ZNF296: variants seen among roughly 807,000 people sequenced by gnomAD.
The protein encoded by ZNF296 is zinc finger protein 296.
In ZNF296, 1 loss-of-function variant was observed where a neutral mutation model predicts 13.2. The ratio of observed to expected loss-of-function variants is 0.08; its 90% CI spans 0.03 to 0.36. The LOEUF (loss-of-function observed/expected upper bound fraction) is 0.36, where lower values mean the gene tolerates loss of function less well. Among genes scored for constraint, ZNF296 ranks in the 10% least tolerant of loss-of-function variants. The probability of loss-of-function intolerance (pLI) is 0.99; values close to 1 mark genes in which losing one functional copy is unlikely to be tolerated. For missense variants in ZNF296, 555 were observed against 688.2 expected (o/e 0.81, Z 2.16); for synonymous variants, 303 against 289.0 (o/e 1.05, Z -0.49).
Position 45,076,466 on chromosome 19 carries a change from C to G in ZNF296, c.-93G>C, listed in dbSNP as rs1049133904. 1.0e-6 allele frequency: 1 copy of G among 983,566 alleles called. No individual in the cohort carries two copies. Among genetic ancestry groups the G allele is most frequent in the African/African-American group, 1.7e-5 (1 of 58,794 alleles). 60.9% of individuals were successfully genotyped at this position (983,566 alleles called of 1,614,324 possible). On this transcript the variant is annotated 5_prime_UTR_variant, in exon 1 of 3. Transcript: ENST00000303809. This position sits in a 1 kb window ranked among gnomAD's most constrained non-coding sequence, Gnocchi z 4.9. Reference sequence around the variant, plus strand: ...GGAGGACGCGCGGACCGTGCGCGCTCAGGTGAGTGACTGCGGCGACCCGCC... The same window carrying G: ...GGAGGACGCGCGGACCGTGCGCGCTGAGGTGAGTGACTGCGGCGACCCGCC...
chr19:45,073,638 C>T (rs1209776815), intron 2 of ZNF296, among the ~76,000 whole-genome samples: 3 of 143,170 alleles, frequency 2.1e-5, no homozygotes, highest in Admixed American at 1.5e-4. Context: ...ACTTAATGGC[C>T]TCAAGTAATC....
intron 2 of ZNF296, among the ~76,000 whole-genome samples, chr19:45,073,373 ATT>A (rs113101222): frequency 3.9e-5 from 5 of 129,698 alleles, no homozygotes; most frequent in Admixed American, 7.6e-5. Context: ...TGCCCAGGCT[ATT>A]TTTTTTTTTT....
At chr19:45,073,383 T>C (rs1433527712) in intron 2 of ZNF296, among the ~76,000 whole-genome samples, 5 of 148,694 alleles carry the variant, frequency 3.4e-5, no homozygotes, top group Non-Finnish European at 5.9e-5. Context: ...ATTTTTTTTT[T>C]TTTTTGAGAC....
intron 1 of ZNF296, 102 bp downstream of exon 1, chr19:45,075,974 G>A: frequency 6.3e-7 from 1 of 1,580,450 alleles, no homozygotes; most frequent in Non-Finnish European, 8.6e-7. Context: ...GCAGGACGGG[G>A]CGAAGGAGAT....
In ZNF296 at chr19:45,076,096, G is replaced by A; in HGVS notation, c.278C>T (p.Pro93Leu). Residue 93 changes from proline (P) to leucine (L), a missense_variant, in exon 1 of 3, where the codon CCG becomes CTG. By Grantham distance (98) the Pro-to-Leu change is moderately conservative (BLOSUM62 -3). Around this residue, in one of 3 missense-constraint regions of ZNF296, gnomAD observed 410 missense variants for 548.0 expected, o/e 0.75. Transcript: ENST00000303809. The surrounding 1 kb of genome is among the most constrained non-coding windows in gnomAD (Gnocchi z 4.9). ...CTCACCGGGATAGTTCGGGGTCAAC[G>A]GCGTCCACAGGGTCCACGGGTTCCG... The part of the protein sequence containing the change: ...GPRNPWTLWT[P>L]LTPNYPDRQP... 1 of 1,581,918 alleles carries A rather than the reference G, an allele frequency of 6.3e-7. No individual in the cohort carries two copies. The highest frequency in any genetic ancestry group is 8.6e-7 in the Non-Finnish European group (1 of 1,169,432).
chr19:45,073,081 G>A (rs1340318837), intron 2 of ZNF296, among the ~76,000 whole-genome samples: 1 of 152,154 alleles, frequency 6.6e-6, no homozygotes, highest in Non-Finnish European at 1.5e-5. Context: ...AAAAAGTTAT[G>A]TTAACTCAGT....
rs200474601 is a variant in ZNF296 at position 45,076,154 on chromosome 19, G to A, written c.220C>T (p.Pro74Ser). The A allele has an allele frequency of 7.1e-6, 11 of 1,545,870 alleles. No individual in the cohort carries two copies. The African/African-American group carries it at 1.4e-4, about 20-fold the overall frequency. ...AGGGCGAGGAGGGCGGCCCCGGCGGGCATGGGGCCAGGGGAGTGGTGGGGT... is the reference window on the plus strand; with the variant it reads ...AGGGCGAGGAGGGCGGCCCCGGCGGACATGGGGCCAGGGGAGTGGTGGGGT... The part of the protein sequence containing the change: ...GEPHHSPGPM[P>S]AGAALLALGP... The change falls in exon 1 of 3, where the codon CCC becomes TCC. Residue 74 changes from proline (P) to serine (S), a missense_variant. By Grantham distance (74) the Pro-to-Ser change is moderately conservative. Around this residue, in one of 3 missense-constraint regions of ZNF296, gnomAD observed 137 missense variants for 121.9 expected, o/e 1.12. Transcript: ENST00000303809. This position sits in a 1 kb window ranked among gnomAD's most constrained non-coding sequence, Gnocchi z 4.9.
rs746750726 is a variant in ZNF296, at chr19:45,071,725, A to G, written c.1304T>C (p.Met435Thr). 6.8e-6 allele frequency: 11 copies of G among 1,605,856 alleles called. No homozygotes were observed. Among genetic ancestry groups the G allele is most frequent in the Non-Finnish European group, 9.4e-6 (11 of 1,175,152 alleles). ...QSSKLNRHRR[M>T]HGMTPGSTRF... ...GGTGCTGCCAGGCGTCATGCCGTGC[A>G]TGCGGCGGTGGCGGTTGAGCTTACT... The change falls in exon 3 of 3, where the codon ATG (methionine) becomes ACG (threonine). Residue 435 changes from methionine (M) to threonine (T), a missense_variant. Physicochemically the swap from Met to Thr is moderately conservative, Grantham distance 81. Coordinates refer to ENST00000303809, the MANE Select transcript of ZNF296 (RefSeq NM_145288.3).
intron 2 of ZNF296, among the ~76,000 whole-genome samples, chr19:45,074,960 C>T (rs974300998): frequency 3.7e-4 from 56 of 152,224 alleles, no homozygotes; most frequent in Non-Finnish European, 8.8e-5. Flanking sequence ...CAGACCCTCC[C>T]TGGCCCAACC....
chr19:45,074,850 G>A (rs1436989142), intron 2 of ZNF296, among the ~76,000 whole-genome samples: 1 of 152,062 alleles, frequency 6.6e-6, no homozygotes, highest in Non-Finnish European at 1.5e-5. Flanking sequence ...TTGTTCCAGC[G>A]ATTCCATCAC....
In ZNF296 at chr19:45,072,299, T is replaced by C. The variant is rs762760641; in HGVS notation, c.730A>G (p.Ser244Gly). 1.2e-6 allele frequency: 2 copies of C among 1,613,478 alleles called. No homozygotes were observed. Among genetic ancestry groups the C allele is most frequent in the East Asian group, 2.2e-5 (1 of 44,872 alleles). Residue 244 changes from serine to glycine, a missense_variant, in exon 3 of 3, where the codon AGC (serine) becomes GGC (glycine). Physicochemically the swap from Ser to Gly is moderately conservative, Grantham distance 56. This residue lies in a region of ZNF296 where 410 missense variants were observed against 548.0 expected (regional missense o/e 0.75). Transcript: ENST00000303809. ...PVCKKTLSSFSNLKVHMRSHT... is the reference protein window; with the variant it reads ...PVCKKTLSSFGNLKVHMRSHT... ...GAGCGCATGTGCACTTTGAGGTTGCTGAAGGAGCTGAGGGTCTTCTTGCAC... is the reference window on the plus strand; with the variant it reads ...GAGCGCATGTGCACTTTGAGGTTGCCGAAGGAGCTGAGGGTCTTCTTGCAC...
In ZNF296 at chr19:45,076,286, G is replaced by C. The variant is rs1967349546; in HGVS notation, c.88C>G (p.Leu30Val). The C allele has an allele frequency of 6.8e-7, 1 of 1,467,470 alleles. No individual in the cohort carries two copies. The allele number at this position is 1,467,470 out of a possible 1,614,324, so 90.9% of individuals were successfully genotyped here. Residue 30 changes from leucine to valine, a missense_variant, in exon 1 of 3, where the codon CTC (leucine) becomes GTC (valine). By Grantham distance (32) the Leu-to-Val change is conservative. Around this residue, in one of 3 missense-constraint regions of ZNF296, gnomAD observed 137 missense variants for 121.9 expected, o/e 1.12. Transcript: ENST00000303809. The surrounding 1 kb of genome is among the most constrained non-coding windows in gnomAD (Gnocchi z 4.9). Reference protein sequence around the residue: ...NPDDEMEMQDLVIELKPEPDA... With the variant: ...NPDDEMEMQDVVIELKPEPDA... Reference sequence around the variant, plus strand: ...GGCTCGGGCTTGAGTTCGATGACGAGGTCCTGCATTTCCATCTCGTCGTCT... The same window carrying C: ...GGCTCGGGCTTGAGTTCGATGACGACGTCCTGCATTTCCATCTCGTCGTCT...
chr19:45,075,612 G>T, intron 2 of ZNF296, 101 bp downstream of exon 2: 1 of 1,379,286 alleles, frequency 7.3e-7, no homozygotes. Context: ...GAGCGAGAAA[G>T]GGGAAGTAGT....
At chr19:45,074,742 C>T (rs143951064) in intron 2 of ZNF296, among the ~76,000 whole-genome samples, 5 of 152,250 alleles carry the variant, frequency 3.3e-5, no homozygotes, top group Non-Finnish European at 7.4e-5. Flanking sequence ...GTTGTGACCT[C>T]GCTTGGGGAA....
Position 45,076,144 on chromosome 19 carries a change from GC to G in ZNF296, c.229del (p.Ala77ProfsTer18). 1.3e-6 allele frequency: 2 copies of G among 1,548,884 alleles called. No homozygotes were observed. The highest frequency in any genetic ancestry group is 1.7e-6 in the Non-Finnish European group (2 of 1,152,926). On this transcript the variant is annotated frameshift_variant, in exon 1 of 3. Transcript: ENST00000303809. LOFTEE classifies it high-confidence loss of function. The surrounding 1 kb of genome is among the most constrained non-coding windows in gnomAD (Gnocchi z 4.9). ...HHSPGPMPAGAALLALGPRNP... is the reference protein window; with the variant it reads ...HHSPGPMPAGXALLALGPRNP... ...CCGCGGGCCGAGGGCGAGGAGGGCG[GC>G]CCCGGCGGGCATGGGGCCAGGGGAG...
Position 45,072,360 on chromosome 19 carries a change from G to A in ZNF296, c.669C>T (p.Gly223=). Residue 223 remains glycine (G), a synonymous_variant, in exon 3 of 3, where the codon GGC becomes GGT. Transcript: ENST00000303809. ...TGGGGCTCCGCCGGGTGAGGCCGCT[G>A]CCACTTGCACGGGGGCTCTTGGCCT... The part of the protein sequence containing the change: ...AAEAKSPRAS[G]SGLTRRSPTC... The A allele has an allele frequency of 6.2e-7, 1 of 1,612,662 alleles. No individual in the cohort carries two copies.
rs1370507137 is a variant in ZNF296 at position 45,071,720 on chromosome 19, C to T, written c.1309G>A (p.Gly437Ser). 2 of 1,602,284 alleles carry T rather than the reference C, an allele frequency of 1.2e-6. No homozygotes were observed. The highest frequency in any genetic ancestry group is 1.1e-5 in the South Asian group (1 of 89,990). ...AAGCGGGTGCTGCCAGGCGTCATGC[C>T]GTGCATGCGGCGGTGGCGGTTGAGC... Reference protein sequence around the residue: ...SKLNRHRRMHGMTPGSTRFEC... With the variant: ...SKLNRHRRMHSMTPGSTRFEC... Residue 437 changes from glycine to serine, a missense_variant, in exon 3 of 3, where the codon GGC becomes AGC. Transcript: ENST00000303809.
intron 2 of ZNF296, among the ~76,000 whole-genome samples, chr19:45,075,197 C>T (rs1967322045): frequency 6.6e-6 from 1 of 152,120 alleles, no homozygotes; most frequent in Non-Finnish European, 1.5e-5. Context: ...GATTCCATCA[C>T]CGAGGGAAGC....
chr19:45,076,022 C>G lies in ZNF296; in HGVS notation c.298+54G>C. On this transcript the variant is annotated intron_variant, in intron 1 of 2. Coordinates refer to ENST00000303809, the MANE Select transcript of ZNF296 (RefSeq NM_145288.3). This position sits in a 1 kb window ranked among gnomAD's most constrained non-coding sequence, Gnocchi z 4.9. Reference sequence around the variant, plus strand: ...GGGGCCCATGCCCAAAGGGAAGGGTCCCACCCGAGGGTCAAAGGTAAGGGA... The same window carrying G: ...GGGGCCCATGCCCAAAGGGAAGGGTGCCACCCGAGGGTCAAAGGTAAGGGA... 1 of 1,570,262 alleles carries G rather than the reference C, an allele frequency of 6.4e-7. No homozygotes were observed. Among genetic ancestry groups the G allele is most frequent in the East Asian group, 2.3e-5 (1 of 43,616 alleles).
Sources: gnomAD v4.1 joint callset for allele counts (sites outside exome capture counted in the v4.1 genomes callset) on GRCh38, gnomAD v4.1.1 for gene constraint, gnomAD v4.1.1 regional missense constraint, Gnocchi (gnomAD v3.1) non-coding constraint, MANE v1.5 for transcripts, NCBI Gene and HGNC (gene_info 2026-07-23, HGNC 2026-07-21) for gene names.